Variants in DLC1 observed in about 807,000 individuals in gnomAD.
DLC1 encodes the protein DLC1 Rho GTPase activating protein.
Under a neutral mutation model 140.3 loss-of-function variants are expected in DLC1, and 54 were observed. That is an observed-to-expected ratio of 0.38 (90% CI 0.31 to 0.48). DLC1 has a LOEUF of 0.48. DLC1 is among the 20% of genes least tolerant of loss of function. The probability of loss-of-function intolerance (pLI) is 0.96; values close to 1 mark genes in which losing one functional copy is unlikely to be tolerated. For synonymous variants in DLC1, 986 were observed against 728.1 expected (o/e 1.35, Z -5.70); for missense variants, 2,536 against 1,907.0 (o/e 1.33, Z -6.14).
At chr8:13,457,676 C>CAAAAAAAAA (rs34916262) in intron 2 of DLC1, among the ~76,000 whole-genome samples, 3 of 54,868 alleles carry the variant, frequency 5.5e-5, no homozygotes, top group African/African-American at 5.8e-5. Flanking sequence ...GACTCCATCT[C>CAAAAAAAAA]AAAAAAAAAA....
intron 4 of DLC1, among the ~76,000 whole-genome samples, chr8:13,390,170 G>C (rs1388282791): frequency 1.3e-5 from 2 of 152,088 alleles, no homozygotes; most frequent in Non-Finnish European, 1.5e-5. Flanking sequence ...GTAGTGAAAA[G>C]GGTGTACCTA....
intron 10 of DLC1, among the ~76,000 whole-genome samples, chr8:13,097,276 T>TTATTATTA (rs1300825832): frequency 4.9e-4 from 32 of 65,432 alleles, no homozygotes; most frequent in Non-Finnish European, 7.8e-4. Context: ...TATTATTATT[T>TTATTATTA]TTTGAGATAG....
intron 2 of DLC1, among the ~76,000 whole-genome samples, chr8:13,479,855 A>AGAAGAAGAAGAG (rs1800623138): frequency 1.4e-5 from 1 of 72,164 alleles, no homozygotes; most frequent in Admixed American, 1.3e-4. Context: ...AAGAAGAAGA[A>AGAAGAAGAAGAG]GAAGAGAAAA....
At chr8:13,540,234 G>T (rs1224669186) in intron 1 of DLC1, among the ~76,000 whole-genome samples, 2 of 152,188 alleles carry the variant, frequency 1.3e-5, no homozygotes, top group South Asian at 2.1e-4. Context: ...AGCAATGGCT[G>T]GTGAAGATCT....
chr8:13,334,195 G>A (rs547633742), intron 4 of DLC1, among the ~76,000 whole-genome samples: 4 of 152,066 alleles, frequency 2.6e-5, no homozygotes, highest in Non-Finnish European at 4.4e-5. Context: ...AGATAGCATT[G>A]CAAGCAGTGA....
At chr8:13,449,363 C>T (rs1798939508) in intron 2 of DLC1, among the ~76,000 whole-genome samples, 1 of 152,078 alleles carries the variant, frequency 6.6e-6, no homozygotes, top group South Asian at 2.1e-4. Flanking sequence ...GGCAATATTT[C>T]CCAGCGTCAA....
chr8:13,435,221 A>T (rs1440876127), intron 2 of DLC1, among the ~76,000 whole-genome samples: 1 of 152,232 alleles, frequency 6.6e-6, no homozygotes, highest in African/African-American at 2.4e-5. Flanking sequence ...CTTCAGTGGA[A>T]AATATCCCCA....
intron 1 of DLC1, among the ~76,000 whole-genome samples, chr8:13,590,303 A>C (rs1805476481): frequency 6.6e-6 from 1 of 151,202 alleles, no homozygotes; most frequent in Non-Finnish European, 1.5e-5. Flanking sequence ...CCACATCCCC[A>C]GTTTTTTTTT....
intron 4 of DLC1, among the ~76,000 whole-genome samples, chr8:13,366,754 C>T (rs1034248384): frequency 6.6e-6 from 1 of 152,164 alleles, no homozygotes; most frequent in Admixed American, 6.5e-5. Flanking sequence ...CATCCTCAGA[C>T]ACAGGAAAGA....
At chr8:13,102,126 A>C (rs961500461) in intron 8 of DLC1, among the ~76,000 whole-genome samples, 3 of 152,196 alleles carry the variant, frequency 2.0e-5, no homozygotes, top group Non-Finnish European at 4.4e-5. Flanking sequence ...GGAAGTCAGA[A>C]ATATGTTCTT....
In DLC1 at chr8:13,512,483, G is replaced by A. The variant is rs142218321; in HGVS notation, c.-126+2119C>T. Among the ~76,000 whole-genome samples the A allele has an allele frequency of 2.5e-3, 382 of 152,264 alleles. 3 individuals are homozygous for A. Among genetic ancestry groups the A allele is most frequent in the African/African-American group, 8.4e-3 (349 of 41,568 alleles). ...CTGCATTCTACAATTAAATGACTTT[G>A]TAGAAGGCTTAGAGCAGACATACAA... On this transcript the variant is annotated intron_variant, in intron 1 of 17. Coordinates refer to ENST00000276297, the MANE Select transcript of DLC1 (RefSeq NM_182643.3).
At chr8:13,595,556 T>C (rs1270694440) in intron 1 of DLC1, among the ~76,000 whole-genome samples, 1 of 152,054 alleles carries the variant, frequency 6.6e-6, no homozygotes, top group Admixed American at 6.6e-5. Context: ...ATCTTTAATC[T>C]TGAGTTCTTT....
At chr8:13,255,435 G>C (rs558182203) in intron 5 of DLC1, among the ~76,000 whole-genome samples, 1 of 152,272 alleles carries the variant, frequency 6.6e-6, no homozygotes, top group South Asian at 2.1e-4. Flanking sequence ...TTAAAAGGCA[G>C]GGATAAGTCT....
At chr8:13,108,944 A>T (rs537323241) in intron 7 of DLC1, among the ~76,000 whole-genome samples, 1 of 152,312 alleles carries the variant, frequency 6.6e-6, no homozygotes, top group African/African-American at 2.4e-5. Context: ...AGTTCTTGGA[A>T]TTAGGTTTCT....
chr8:13,533,846 T>C (rs1803181966), intron 1 of DLC1, among the ~76,000 whole-genome samples: 2 of 152,098 alleles, frequency 1.3e-5, no homozygotes, highest in African/African-American at 4.8e-5. Flanking sequence ...TAAGTGGCAG[T>C]TTTTCTTGCT....
chr8:13,122,457 A>C (rs1002716831), intron 5 of DLC1, among the ~76,000 whole-genome samples: 5 of 152,114 alleles, frequency 3.3e-5, no homozygotes, highest in Non-Finnish European at 7.4e-5. Context: ...TTTTTGCACA[A>C]AGGAATTACA....
chr8:13,283,584 T>C (rs1015863313), intron 5 of DLC1, among the ~76,000 whole-genome samples: 4 of 152,188 alleles, frequency 2.6e-5, no homozygotes, highest in African/African-American at 7.2e-5. Flanking sequence ...GGTGCGATCT[T>C]GGCTCACTGC....
At chr8:13,144,473 A>G (rs1222281191) in intron 5 of DLC1, among the ~76,000 whole-genome samples, 1 of 152,178 alleles carries the variant, frequency 6.6e-6, no homozygotes, top group East Asian at 1.9e-4. Flanking sequence ...CCCTTAATAA[A>G]TTATCTCTCG....
upstream of DLC1, among the ~76,000 whole-genome samples, chr8:13,518,486 A>C (rs1802664256): frequency 6.6e-6 from 1 of 152,168 alleles, no homozygotes; most frequent in Non-Finnish European, 1.5e-5. Flanking sequence ...GTCATTTCCC[A>C]ATCATTTTCA....
Sources: allele counts gnomAD v4.1 joint callset (sites outside exome capture counted in the v4.1 genomes callset), GRCh38; gene constraint gnomAD v4.1.1; transcripts MANE v1.5; gene names NCBI Gene and HGNC (gene_info 2026-07-23, HGNC 2026-07-21).